The following TBCEL variants were observed in gnomAD, a reference collection of about 807,000 sequenced individuals.
The protein encoded by TBCEL is tubulin-specific chaperone cofactor E-like protein.
Under a neutral mutation model 44.2 loss-of-function variants are expected in TBCEL, and 15 were observed. That is an observed-to-expected ratio of 0.34 (90% CI 0.23 to 0.52). The LOEUF (loss-of-function observed/expected upper bound fraction) is 0.52. Ranked by LOEUF, TBCEL falls within the 20% of genes least tolerant of loss-of-function variation. TBCEL has a pLI of 0.95. For missense variants in TBCEL, 319 were observed against 506.3 expected (o/e 0.63, Z 3.55); for synonymous variants, 171 against 185.4 (o/e 0.92, Z 0.63).
At chr11:121,076,068 C>T (rs1234946523) in intron 8 of TBCEL, among the ~76,000 whole-genome samples, 1 of 151,930 alleles carries the variant, frequency 6.6e-6, no homozygotes, top group Non-Finnish European at 1.5e-5. Context: ...GCCAGTACCA[C>T]ACCATCTTGA....
intron 8 of TBCEL, among the ~76,000 whole-genome samples, chr11:121,074,699 A>G (rs536722242): frequency 2.6e-5 from 4 of 152,038 alleles, no homozygotes; most frequent in Admixed American, 6.6e-5. Flanking sequence ...GAACAGTTCC[A>G]TCATCCAAAA....
intron 8 of TBCEL, among the ~76,000 whole-genome samples, chr11:121,061,414 C>T (rs1945719255): frequency 6.6e-6 from 1 of 151,872 alleles, no homozygotes; most frequent in African/African-American, 2.4e-5. Context: ...CATGTACATA[C>T]ATACATACAT....
intron 8 of TBCEL, among the ~76,000 whole-genome samples, chr11:121,062,625 A>G (rs531863754): frequency 1.3e-5 from 2 of 152,288 alleles, no homozygotes; most frequent in South Asian, 2.1e-4. Context: ...TGGTATAATT[A>G]TCCTAAGTGC....
intron 8 of TBCEL, among the ~76,000 whole-genome samples, chr11:121,084,307 G>A (rs1194634582): frequency 6.6e-6 from 1 of 152,042 alleles, no homozygotes; most frequent in Non-Finnish European, 1.5e-5. Flanking sequence ...TGTTTCTTTA[G>A]CTCTACAGTC....
Position 121,081,054 on chromosome 11 carries a change from G to T in TBCEL, c.957-5724G>T, listed in dbSNP as rs551387705. On this transcript the variant is annotated intron_variant, in intron 8 of 8. Coordinates refer to ENST00000683345, the MANE Select transcript of TBCEL (RefSeq NM_001363644.2). ...ACTGCTGGTAGCCTGATTTCTAACT[G>T]CTTATGATTCAAAGACCCCTAAGGT... 4.6e-5 allele frequency among the ~76,000 whole-genome samples: 7 copies of T among 152,192 alleles called. No individual in the cohort carries two copies. In the South Asian group the frequency reaches 1.5e-3, roughly 32 times the overall value.
At chr11:121,024,753 C>T (rs1375358386) in intron 1 of TBCEL, among the ~76,000 whole-genome samples, 1 of 152,124 alleles carries the variant, frequency 6.6e-6, no homozygotes, top group Non-Finnish European at 1.5e-5. Context: ...GGACATGTCC[C>T]CAGGGAGGTT....
chr11:121,080,170 A>G (rs186487366), intron 8 of TBCEL, among the ~76,000 whole-genome samples: 12 of 152,296 alleles, frequency 7.9e-5, no homozygotes, highest in African/African-American at 2.9e-4. Context: ...CAAGTGAACC[A>G]TCTGGGATTT....
At chr11:121,029,548 T>C (rs1322662505) in intron 1 of TBCEL, among the ~76,000 whole-genome samples, 3 of 152,242 alleles carry the variant, frequency 2.0e-5, no homozygotes, top group Non-Finnish European at 2.9e-5. Flanking sequence ...ACAGTAGTCA[T>C]AAGTGAACTC....
chr11:121,047,995 AGCTTTGTTATTGTTATTGTT>A (rs1465514652), intron 4 of TBCEL: 1 of 170,284 alleles, frequency 5.9e-6, no homozygotes, highest in East Asian at 1.5e-4. Context: ...ATTTTTCGTT[AGCTTTGTTATTGTTATTGTT>A]GCTTTGTTAT....
rs1334138825 is a variant in TBCEL, at chr11:121,088,535, C to T, written c.*1439C>T. Reference sequence around the variant, plus strand: ...TTACAGATGGGAGACTTGAGAGATACTTAGCATAACTGGGGCAGAAAGTGT... The same window carrying T: ...TTACAGATGGGAGACTTGAGAGATATTTAGCATAACTGGGGCAGAAAGTGT... On this transcript the variant is annotated 3_prime_UTR_variant, in exon 9 of 9. Transcript: ENST00000683345. 6.6e-6 allele frequency: 1 copy of T among 152,160 alleles called. No individual in the cohort carries two copies. The highest frequency in any genetic ancestry group is 1.9e-4 in the East Asian group (1 of 5,200). 9.4% of individuals were successfully genotyped at this position (152,160 alleles called of 1,614,324 possible).
intron 8 of TBCEL, among the ~76,000 whole-genome samples, chr11:121,076,534 T>C (rs1946036921): frequency 6.6e-6 from 1 of 152,072 alleles, no homozygotes. Context: ...TCTACAGCCT[T>C]GCTAAATTTA....
Position 121,088,007 on chromosome 11 carries a change from C to T in TBCEL, c.*911C>T, listed in dbSNP as rs1946243333. 6.6e-6 allele frequency: 1 copy of T among 152,092 alleles called. No individual in the cohort carries two copies. The highest frequency in any genetic ancestry group is 6.5e-5 in the Admixed American group (1 of 15,272). The allele number at this position is 152,092 out of a possible 1,614,324, so 9.4% of individuals were successfully genotyped here. A position where few individuals can be genotyped will look rare whatever the true frequency, so the allele number is the denominator to read the frequency against. ...TACTTTAAACTATTGGGAATTGAGG[C>T]CTGACTTCATAAATAATTCAATAGA... is the stretch of plus-strand genomic sequence containing the variant. On this transcript the variant is annotated 3_prime_UTR_variant, in exon 9 of 9. Coordinates refer to ENST00000683345, the MANE Select transcript of TBCEL (RefSeq NM_001363644.2).
intron 1 of TBCEL, among the ~76,000 whole-genome samples, chr11:121,034,878 A>G (rs1049453532): frequency 2.0e-5 from 3 of 152,152 alleles, no homozygotes; most frequent in Non-Finnish European, 1.5e-5. Flanking sequence ...CTTCATCTCT[A>G]AAGTATATAT....
intron 8 of TBCEL, among the ~76,000 whole-genome samples, chr11:121,077,239 T>TA (rs138134628): frequency 0.21 from 31,904 of 151,942 alleles, 3,428 homozygotes; most frequent in East Asian, 0.32. Context: ...TTGTAGAATT[T>TA]ATCAGTGAAG....
intron 2 of TBCEL, among the ~76,000 whole-genome samples, chr11:121,040,749 C>T (rs1381752104): frequency 6.6e-6 from 1 of 151,960 alleles, no homozygotes; most frequent in African/African-American, 2.4e-5. Context: ...ACTATTAGGT[C>T]ATTTCCAGAT....
Position 121,047,633 on chromosome 11 carries a change from A to G in TBCEL, c.239A>G (p.Asp80Gly). The change falls in exon 4 of 9, where the codon GAT (aspartate) becomes GGT (glycine). Residue 80 changes from aspartate to glycine, a missense_variant. Coordinates refer to ENST00000683345, the MANE Select transcript of TBCEL (RefSeq NM_001363644.2). ...TTCTGCGCTCATGTGTCGGAACTAG[A>G]TCTTTCTGACAACAAACTCGAAGAC... Reference protein sequence around the residue: ...AAFCAHVSELDLSDNKLEDWH... With the variant: ...AAFCAHVSELGLSDNKLEDWH... 1.2e-6 allele frequency: 2 copies of G among 1,612,664 alleles called. No individual in the cohort carries two copies. Among genetic ancestry groups the G allele is most frequent in the Non-Finnish European group, 1.7e-6 (2 of 1,179,160 alleles).
chr11:121,027,519 A>G (rs1316040832), intron 1 of TBCEL, among the ~76,000 whole-genome samples: 1 of 152,132 alleles, frequency 6.6e-6, no homozygotes, highest in East Asian at 1.9e-4. Context: ...CCTTCTACAG[A>G]CTTCCTCTAC....
At chr11:121,067,880 A>T (rs1256853733) in intron 8 of TBCEL, among the ~76,000 whole-genome samples, 2 of 152,242 alleles carry the variant, frequency 1.3e-5, no homozygotes, top group Non-Finnish European at 2.9e-5. Flanking sequence ...ACCAAGAGGC[A>T]CTGGGCTTCA....
intron 6 of TBCEL, 41 bp downstream of exon 6, chr11:121,055,349 C>T (rs1223932076): frequency 1.3e-6 from 2 of 1,525,664 alleles, no homozygotes; most frequent in East Asian, 2.3e-5. Flanking sequence ...GCAAATTAAC[C>T]TGAGCATATG....
Sources: gnomAD v4.1 joint callset for allele counts (sites outside exome capture counted in the v4.1 genomes callset) on GRCh38, gnomAD v4.1.1 for gene constraint, MANE v1.5 for transcripts, NCBI Gene and HGNC (gene_info 2026-07-23, HGNC 2026-07-21) for gene names.